ARHGAP10: variants seen among roughly 807,000 people sequenced by gnomAD.
The protein encoded by ARHGAP10 is Rho GTPase activating protein 10, also known as rho GTPase-activating protein 10.
ARHGAP10 carries 87 observed loss-of-function variants against 108.6 expected under a neutral mutation model. The ratio of observed to expected loss-of-function variants is 0.80; its 90% CI spans 0.67 to 0.96. The LOEUF is 0.96. ARHGAP10 is among the 40% of genes least tolerant of loss of function. The pLI is 0.00. For missense variants in ARHGAP10, 939 were observed against 954.5 expected (o/e 0.98, Z 0.21); for synonymous variants, 347 against 341.1 (o/e 1.02, Z -0.19).
intron 18 of ARHGAP10, among the ~76,000 whole-genome samples, chr4:147,968,534 A>C (rs1314199398): frequency 6.6e-6 from 1 of 152,232 alleles, no homozygotes. Flanking sequence ...GCATTCCTGA[A>C]TCTGTGGACT....
At chr4:148,064,904 G>A (rs1342114574) in intron 22 of ARHGAP10, among the ~76,000 whole-genome samples, 1 of 152,226 alleles carries the variant, frequency 6.6e-6, no homozygotes, top group Non-Finnish European at 1.5e-5. Context: ...TGAGTCAACA[G>A]AGGATACTAC....
At chr4:147,747,185 C>T (rs1439369152) in intron 1 of ARHGAP10, among the ~76,000 whole-genome samples, 6 of 151,696 alleles carry the variant, frequency 4.0e-5, no homozygotes, top group Non-Finnish European at 8.8e-5. Context: ...GTATTAAAAC[C>T]GATTTTCTCT....
rs762141450 is a variant in ARHGAP10, at chr4:147,924,984, T to TAA, written c.1228+11848_1228+11849dup. 4.5e-3 allele frequency among the ~76,000 whole-genome samples: 685 copies of TAA among 151,708 alleles called. 8 individuals are homozygous for TAA. Among genetic ancestry groups the TAA allele is most frequent in the Middle Eastern group, 0.02 (6 of 294 alleles). ...GAAGAACTTTCTATTTTTTTTTTTT[T>TAA]AAAATAGCAATTTACATTGGGAAAT... On this transcript the variant is annotated intron_variant, in intron 13 of 22. Coordinates refer to ENST00000336498, the MANE Select transcript of ARHGAP10 (RefSeq NM_024605.4).
intron 1 of ARHGAP10, among the ~76,000 whole-genome samples, chr4:147,810,794 C>A (rs1002110547): frequency 2.6e-5 from 4 of 152,194 alleles, no homozygotes; most frequent in Non-Finnish European, 5.9e-5. Context: ...GGGTTGGGTT[C>A]TTGCAAGATC....
intron 10 of ARHGAP10, among the ~76,000 whole-genome samples, chr4:147,894,819 A>C (rs2126890620): frequency 6.6e-6 from 1 of 152,266 alleles, no homozygotes; most frequent in Non-Finnish European, 1.5e-5. Context: ...CACCTTCTAA[A>C]AAATCACTTG....
intron 12 of ARHGAP10, among the ~76,000 whole-genome samples, chr4:147,911,993 A>ATATGTGTG (rs1560822641): frequency 2.8e-5 from 3 of 108,694 alleles, no homozygotes; most frequent in South Asian, 6.6e-4. Flanking sequence ...AAGAACATTC[A>ATATGTGTG]CGTGTGTGTG....
chr4:147,746,890 C>A (rs577661503), intron 1 of ARHGAP10, among the ~76,000 whole-genome samples: 48 of 152,262 alleles, frequency 3.2e-4, no homozygotes, highest in African/African-American at 1.1e-3. Flanking sequence ...TTCAGTAATT[C>A]TGTTTTAATC....
At chr4:147,858,763 C>A (rs1371442527) in intron 5 of ARHGAP10, among the ~76,000 whole-genome samples, 1 of 152,176 alleles carries the variant, frequency 6.6e-6, no homozygotes, top group Non-Finnish European at 1.5e-5. Flanking sequence ...CAGTTCTCTA[C>A]CTGTGTTTGC....
In ARHGAP10 at chr4:148,072,322, G is replaced by A; in HGVS notation, c.*241G>A. On this transcript the variant is annotated 3_prime_UTR_variant, in exon 23 of 23. Coordinates refer to ENST00000336498, the MANE Select transcript of ARHGAP10 (RefSeq NM_024605.4). ...GATTCGCAAAATGGACTTTTCATTT[G>A]TCAAGTATTGGGACTTGTGATTTTT... 1 of 438,218 alleles carries A rather than the reference G, an allele frequency of 2.3e-6. No homozygotes were observed. The highest frequency in any genetic ancestry group is 5.9e-5 in the South Asian group (1 of 16,856). The allele number at this position is 438,218 out of a possible 1,614,324, so 27.1% of individuals were successfully genotyped here. A position where few individuals can be genotyped will look rare whatever the true frequency, so the allele number is the denominator to read the frequency against.
intron 14 of ARHGAP10, among the ~76,000 whole-genome samples, chr4:147,944,686 T>C (rs1252541394): frequency 6.6e-6 from 1 of 152,204 alleles, no homozygotes; most frequent in African/African-American, 2.4e-5. Flanking sequence ...GAAAAAACCC[T>C]GAAACAACGA....
At chr4:147,931,164 CAGAT>C (rs1267225741) in intron 13 of ARHGAP10, among the ~76,000 whole-genome samples, 5 of 152,170 alleles carry the variant, frequency 3.3e-5, no homozygotes, top group East Asian at 1.9e-4. Context: ...TTGGAGGAGA[CAGAT>C]GGTAGGAAGT....
chr4:147,755,511 G>A (rs567657229), intron 1 of ARHGAP10, among the ~76,000 whole-genome samples: 1 of 152,208 alleles, frequency 6.6e-6, no homozygotes, highest in African/African-American at 2.4e-5. Context: ...CAACAAGAGT[G>A]AAACTCCGTC....
chr4:147,870,221 G>A (rs9999321), intron 7 of ARHGAP10, among the ~76,000 whole-genome samples: 19,751 of 151,848 alleles, frequency 0.13, 1,660 homozygotes, highest in East Asian at 0.25. Context: ...CACCATGCCC[G>A]GCTAATTTTT....
intron 13 of ARHGAP10, among the ~76,000 whole-genome samples, chr4:147,933,987 G>A (rs1416509626): frequency 6.6e-6 from 1 of 152,154 alleles, no homozygotes; most frequent in Non-Finnish European, 1.5e-5. Flanking sequence ...GAAGCCTCAG[G>A]CTCCCAGGCT....
Position 148,063,305 on chromosome 4 carries a change from G to A in ARHGAP10, c.2180+5G>A, listed in dbSNP as rs774032874. On this transcript the variant is annotated splice_donor_5th_base_variant and intron_variant, in intron 21 of 22. Transcript: ENST00000336498. ...AGCGGACAAGCCACCTGAAAGGTAC[G>A]TGGTTTGGAGTGGAATGTGGAATAT... 57 of 1,613,966 alleles carry A rather than the reference G, an allele frequency of 3.5e-5. No homozygotes were observed. Among genetic ancestry groups the A allele is most frequent in the Non-Finnish European group, 4.5e-5 (53 of 1,180,002 alleles).
At chr4:148,017,795 G>A (rs1198470458) in intron 18 of ARHGAP10, among the ~76,000 whole-genome samples, 2 of 152,026 alleles carry the variant, frequency 1.3e-5, no homozygotes, top group East Asian at 1.9e-4. Context: ...GCAGGTTTAA[G>A]TTGTGTGCTA....
intron 13 of ARHGAP10, among the ~76,000 whole-genome samples, chr4:147,930,118 T>A (rs969771735): frequency 1.3e-5 from 2 of 152,200 alleles, no homozygotes; most frequent in African/African-American, 4.8e-5. Context: ...AGCATCTCAT[T>A]CCATGCCAGG....
chr4:147,793,774 T>C (rs905625085), intron 1 of ARHGAP10, among the ~76,000 whole-genome samples: 2 of 152,318 alleles, frequency 1.3e-5, no homozygotes, highest in Middle Eastern at 3.4e-3. Flanking sequence ...CGTGCCTGTG[T>C]ACGTGCCTTC....
At chr4:147,973,891 A>G (rs1739502041) in intron 18 of ARHGAP10, among the ~76,000 whole-genome samples, 1 of 152,204 alleles carries the variant, frequency 6.6e-6, no homozygotes, top group South Asian at 2.1e-4. Context: ...AAGGCTGAAT[A>G]GTACTCCACT....
Sources: gnomAD v4.1 joint callset for allele counts (sites outside exome capture counted in the v4.1 genomes callset) on GRCh38, gnomAD v4.1.1 for gene constraint, MANE v1.5 for transcripts, NCBI Gene and HGNC (gene_info 2026-07-23, HGNC 2026-07-21) for gene names.